The following PPFIBP2 variants were observed in gnomAD, a reference collection of about 807,000 sequenced individuals.
The protein encoded by PPFIBP2 is PPFIB scaffold protein 2.
PPFIBP2 carries 118 observed loss-of-function variants against 118.3 expected under a neutral mutation model. The observed-to-expected ratio is 1.00, with a 90% confidence interval of 0.86 to 1.16. The LOEUF (loss-of-function observed/expected upper bound fraction) is 1.16, where lower values mean the gene tolerates loss of function less well. Ranked by LOEUF, PPFIBP2 falls within the 50% of genes most tolerant of loss-of-function variation. The pLI, the probability that PPFIBP2 is intolerant of heterozygous loss-of-function variation, is 0.00. For synonymous variants in PPFIBP2, 414 were observed against 397.4 expected (o/e 1.04, Z -0.50); for missense variants, 1,195 against 1,073.1 (o/e 1.11, Z -1.59).
chr11:7,646,802 A>G (rs1355495115), intron 17 of PPFIBP2, among the ~76,000 whole-genome samples: 2 of 152,366 alleles, frequency 1.3e-5, no homozygotes, highest in Non-Finnish European at 2.9e-5. Context: ...CTGTCTCAAA[A>G]AAGAATCAAA....
chr11:7,648,524 A>C lies in PPFIBP2; in HGVS notation c.1784A>C (p.Gln595Pro). ...SGHTLLTATP[Q>P]DMEKELGIKH... Reference sequence around the variant, plus strand: ...CACACCTTATTGACAGCCACCCCTCAGGACATGGAAAAGGTAAGGGCTCAG... The same window carrying C: ...CACACCTTATTGACAGCCACCCCTCCGGACATGGAAAAGGTAAGGGCTCAG... Residue 595 changes from glutamine (Q) to proline (P), a missense_variant, in exon 18 of 24, where the codon CAG becomes CCG. Transcript: ENST00000299492. 1.2e-6 allele frequency: 2 copies of C among 1,614,058 alleles called. No homozygotes were observed. The highest frequency in any genetic ancestry group is 1.7e-6 in the Non-Finnish European group (2 of 1,179,988).
intron 1 of PPFIBP2, among the ~76,000 whole-genome samples, chr11:7,533,280 G>A (rs1029767215): frequency 1.3e-5 from 2 of 152,270 alleles, no homozygotes; most frequent in South Asian, 4.1e-4. Context: ...GAGAAAGTTC[G>A]ATGAGAGAGG....
downstream of PPFIBP2, chr11:7,656,750 G>A (rs753908428): frequency 7.8e-7 from 1 of 1,289,848 alleles, no homozygotes; most frequent in South Asian, 1.2e-5. Context: ...AGGACCAGCT[G>A]CTGAATGACT....
intron 6 of PPFIBP2, among the ~76,000 whole-genome samples, chr11:7,618,890 T>C (rs1352426479): frequency 6.6e-6 from 1 of 150,982 alleles, no homozygotes; most frequent in Non-Finnish European, 1.5e-5. Flanking sequence ...CAGAAGTTTT[T>C]TTTTTTTTTT....
At chr11:7,557,955 G>C (rs1236461967) in intron 2 of PPFIBP2, among the ~76,000 whole-genome samples, 1 of 152,156 alleles carries the variant, frequency 6.6e-6, no homozygotes, top group Non-Finnish European at 1.5e-5. Context: ...GCTGTCATCA[G>C]CTATTTCATC....
Position 7,514,038 on chromosome 11 carries a change from G to GCT in PPFIBP2, c.-116_-115dup. The GCT allele has an allele frequency of 6.6e-6, 1 of 152,316 alleles. No homozygotes were observed. The highest frequency in any genetic ancestry group is 1.5e-5 in the Non-Finnish European group (1 of 68,124). 9.4% of individuals were successfully genotyped at this position (152,316 alleles called of 1,614,324 possible). A position where few individuals can be genotyped will look rare whatever the true frequency, so the allele number is the denominator to read the frequency against. On this transcript the variant is annotated 5_prime_UTR_variant, in exon 1 of 24. Coordinates refer to ENST00000299492, the MANE Select transcript of PPFIBP2 (RefSeq NM_003621.5). ...CCAGTGGCCCGTCGCTCGCTTCTGGGCTCTCATGTTTGAAGGTGGGAGGGA... is the reference window on the plus strand; with the variant it reads ...CCAGTGGCCCGTCGCTCGCTTCTGGGCTCTCTCATGTTTGAAGGTGGGAGGGA...
chr11:7,584,057 T>C (rs1211471727), intron 3 of PPFIBP2, among the ~76,000 whole-genome samples: 1 of 152,244 alleles, frequency 6.6e-6, no homozygotes, highest in Non-Finnish European at 1.5e-5. Flanking sequence ...CAACTCTTTA[T>C]GATAGTACTT....
At chr11:7,585,259 T>G (rs1857932939) in intron 3 of PPFIBP2, among the ~76,000 whole-genome samples, 1 of 152,182 alleles carries the variant, frequency 6.6e-6, no homozygotes, top group South Asian at 2.1e-4. Flanking sequence ...GGAAGGCAGA[T>G]GCATTTTGAG....
At chr11:7,520,787 T>G (rs1849690294) in intron 1 of PPFIBP2, among the ~76,000 whole-genome samples, 1 of 152,236 alleles carries the variant, frequency 6.6e-6, no homozygotes, top group African/African-American at 2.4e-5. Context: ...TCCACCTCCC[T>G]TGGACTTTAT....
intron 1 of PPFIBP2, among the ~76,000 whole-genome samples, chr11:7,536,702 G>A (rs1851256333): frequency 6.6e-6 from 1 of 152,168 alleles, no homozygotes; most frequent in African/African-American, 2.4e-5. Flanking sequence ...AGCCGTATGT[G>A]TTGTGTAGCA....
chr11:7,594,022 G>A (rs1446212861), intron 4 of PPFIBP2, among the ~76,000 whole-genome samples: 2 of 152,184 alleles, frequency 1.3e-5, no homozygotes, highest in African/African-American at 4.8e-5. Flanking sequence ...CTTAAAGGGT[G>A]ATGAGTTAGA....
chr11:7,550,276 A>G (rs1327490442), intron 2 of PPFIBP2, among the ~76,000 whole-genome samples: 2 of 152,200 alleles, frequency 1.3e-5, no homozygotes. Context: ...GGTAGATTGG[A>G]TGTGCTTCTT....
the PPFIBP2 span, among the ~76,000 whole-genome samples, chr11:7,664,542 CTTTGGACTTTGTT>C: frequency 6.6e-6 from 1 of 152,170 alleles, no homozygotes; most frequent in African/African-American, 2.4e-5. Context: ...ACCAACATGT[CTTTGGACTTTGTT>C]ATCTGTTCCC....
intron 20 of PPFIBP2, 42 bp downstream of exon 20, chr11:7,649,277 C>A: frequency 6.5e-7 from 1 of 1,529,510 alleles, no homozygotes; most frequent in Non-Finnish European, 9.1e-7. Context: ...TCCCTGTGAG[C>A]ACTCAGCTCA....
chr11:7,655,658 G>C (rs1289378834), downstream of PPFIBP2, among the ~76,000 whole-genome samples: 3 of 152,068 alleles, frequency 2.0e-5, no homozygotes, highest in Non-Finnish European at 2.9e-5. Flanking sequence ...GAGGCAGAAA[G>C]CAGCCCAGGG....
At chr11:7,553,712 A>G (rs531045862) in intron 2 of PPFIBP2, among the ~76,000 whole-genome samples, 161 of 152,324 alleles carry the variant, frequency 1.1e-3, no homozygotes, top group African/African-American at 3.7e-3. Flanking sequence ...CAGATAAGGC[A>G]CCTAGAAAGT....
At chr11:7,517,360 G>A (rs1286784112) in intron 1 of PPFIBP2, among the ~76,000 whole-genome samples, 4 of 152,146 alleles carry the variant, frequency 2.6e-5, no homozygotes, top group Non-Finnish European at 5.9e-5. Flanking sequence ...TTGCAACTGA[G>A]GGTGTGGAAA....
intron 5 of PPFIBP2, among the ~76,000 whole-genome samples, chr11:7,608,694 G>A (rs1847704909): frequency 1.3e-5 from 2 of 152,220 alleles, no homozygotes; most frequent in African/African-American, 4.8e-5. Flanking sequence ...ATTGGCTTGT[G>A]TCCTTGGCCA....
rs539584148 is a variant in PPFIBP2, at chr11:7,584,608, A to G, written c.280-8524A>G. Among the ~76,000 whole-genome samples the G allele has an allele frequency of 2.0e-5, 3 of 152,346 alleles. No homozygotes were observed. The South Asian group carries it at 6.2e-4, about 32-fold the overall frequency. On this transcript the variant is annotated intron_variant, in intron 3 of 23. Transcript: ENST00000299492. ...AGAAAGCCCTAAAACTCCTTAATAA[A>G]AAAATCTAGGGGAAGTTTTCTTTTT...
Sources: gnomAD v4.1 joint callset for allele counts (sites outside exome capture counted in the v4.1 genomes callset) on GRCh38, gnomAD v4.1.1 for gene constraint, MANE v1.5 for transcripts, NCBI Gene and HGNC (gene_info 2026-07-23, HGNC 2026-07-21) for gene names.